The following DLGAP2 variants were observed in gnomAD, a reference collection of about 807,000 sequenced individuals.
DLGAP2 encodes DLG associated protein 2.
A neutral mutation model predicts 100.3 loss-of-function variants in DLGAP2; 26 were observed. The ratio of observed to expected loss-of-function variants is 0.26; its 90% confidence interval spans 0.19 to 0.36. DLGAP2 has a LOEUF of 0.36. Ranked by LOEUF, DLGAP2 falls within the 10% of genes least tolerant of loss-of-function variation. DLGAP2 has a pLI of 1.00. For synonymous variants in DLGAP2, 886 were observed against 630.1 expected (o/e 1.41, Z -6.08); for missense variants, 1,858 against 1,453.2 (o/e 1.28, Z -4.53).
At chr8:1,633,341 G>A (rs1797696850) in intron 8 of DLGAP2, among the ~76,000 whole-genome samples, 1 of 152,174 alleles carries the variant, frequency 6.6e-6, no homozygotes, top group Non-Finnish European at 1.5e-5. Context: ...GCTAGCATTT[G>A]GAAGGTGATT....
intron 2 of DLGAP2, among the ~76,000 whole-genome samples, chr8:1,123,389 C>A (rs1796093903): frequency 6.6e-6 from 1 of 152,148 alleles, no homozygotes; most frequent in South Asian, 2.1e-4. Context: ...TAGGTACAGC[C>A]TCCACCCGGT....
intron 3 of DLGAP2, among the ~76,000 whole-genome samples, chr8:1,351,924 C>A (rs113972192): frequency 1.7e-3 from 39 of 22,526 alleles, no homozygotes; most frequent in East Asian, 6.9e-3. Flanking sequence ...AGGCCGTGCG[C>A]GTCCTGACTG....
At chr8:1,484,119 G>A (rs1224366843) in intron 3 of DLGAP2, among the ~76,000 whole-genome samples, 2 of 152,218 alleles carry the variant, frequency 1.3e-5, no homozygotes, top group African/African-American at 4.8e-5. Context: ...GGGCTGAGGA[G>A]CTGGTGAGGT....
rs575709822 is a variant in DLGAP2, at chr8:1,195,418, G to A, written c.74-63433G>A. Among the ~76,000 whole-genome samples, 60 of 152,326 alleles carry A rather than the reference G, an allele frequency of 3.9e-4. 1 individual carries two copies. In the South Asian group the frequency reaches 0.012, roughly 31 times the overall value. ...ATGTGTTATTAATGAAAAACATGGTGAAGTGTTTTTAAATGGGAAACAGGC... is the reference window on the plus strand; with the variant it reads ...ATGTGTTATTAATGAAAAACATGGTAAAGTGTTTTTAAATGGGAAACAGGC... On this transcript the variant is annotated intron_variant, in intron 2 of 14. Coordinates refer to ENST00000637795, the MANE Select transcript of DLGAP2 (RefSeq NM_001346810.2).
At chr8:907,459 C>A (rs17740061) in intron 1 of DLGAP2, among the ~76,000 whole-genome samples, 30,961 of 152,184 alleles carry the variant, frequency 0.2, 4,040 homozygotes, top group Non-Finnish European at 0.28. Flanking sequence ...CTTACTTTCA[C>A]ATTTTTCTTT....
chr8:762,080 C>T (rs184122058), intron 1 of DLGAP2, among the ~76,000 whole-genome samples: 1 of 152,166 alleles, frequency 6.6e-6, no homozygotes, highest in Non-Finnish European at 1.5e-5. Context: ...AAAGGCTGTG[C>T]TATGTAACTG....
intron 2 of DLGAP2, among the ~76,000 whole-genome samples, chr8:1,039,493 G>C (rs1189988476): frequency 7.1e-6 from 1 of 141,824 alleles, no homozygotes; most frequent in African/African-American, 2.7e-5. Flanking sequence ...TGGTCGGCTC[G>C]GTGTGCATGG....
At chr8:1,589,912 G>C (rs1796240387) in intron 6 of DLGAP2, among the ~76,000 whole-genome samples, 2 of 152,070 alleles carry the variant, frequency 1.3e-5, no homozygotes, top group African/African-American at 4.8e-5. Flanking sequence ...CTAGTTTCTG[G>C]GGCTGCCATA....
At chr8:1,494,044 G>C (rs75511630) in intron 3 of DLGAP2, among the ~76,000 whole-genome samples, 8 of 28,230 alleles carry the variant, frequency 2.8e-4, no homozygotes, top group Admixed American at 1.2e-3. Flanking sequence ...TTCTGCATCG[G>C]GGGGGGCAGT....
intron 1 of DLGAP2, among the ~76,000 whole-genome samples, chr8:819,648 T>C (rs1796548829): frequency 6.6e-6 from 1 of 152,248 alleles, no homozygotes; most frequent in Non-Finnish European, 1.5e-5. Flanking sequence ...TTATTAACTG[T>C]ACTGTGCATG....
chr8:1,535,395 G>A (rs1323798392), intron 4 of DLGAP2, among the ~76,000 whole-genome samples: 1 of 152,200 alleles, frequency 6.6e-6, no homozygotes, highest in Non-Finnish European at 1.5e-5. Context: ...CATGAAATGC[G>A]CTTGCCTGGC....
At chr8:845,569 C>T (rs994635260) in intron 1 of DLGAP2, among the ~76,000 whole-genome samples, 12 of 152,206 alleles carry the variant, frequency 7.9e-5, no homozygotes, top group South Asian at 4.1e-4. Flanking sequence ...CCTTATCAGA[C>T]GTATGACCTG....
At chr8:1,418,322 C>G (rs547265426) in intron 3 of DLGAP2, among the ~76,000 whole-genome samples, 1 of 152,264 alleles carries the variant, frequency 6.6e-6, no homozygotes, top group Non-Finnish European at 1.5e-5. Context: ...TAGATGGCCT[C>G]AAACATGAAA....
At chr8:963,524 C>CT (rs1232027965) in intron 2 of DLGAP2, among the ~76,000 whole-genome samples, 1 of 152,026 alleles carries the variant, frequency 6.6e-6, no homozygotes, top group African/African-American at 2.4e-5. Flanking sequence ...ATATGGATGA[C>CT]TATTAAAGTA....
At chr8:962,610 C>T (rs796242288) in intron 2 of DLGAP2, among the ~76,000 whole-genome samples, 23 of 152,256 alleles carry the variant, frequency 1.5e-4, no homozygotes, top group African/African-American at 5.1e-4. Context: ...CCCCGCCCTC[C>T]GAGAGGGGAG....
intron 8 of DLGAP2, among the ~76,000 whole-genome samples, chr8:1,638,068 A>T (rs1184178761): frequency 6.6e-6 from 1 of 152,148 alleles, no homozygotes; most frequent in African/African-American, 2.4e-5. Context: ...GGCAGGACGG[A>T]TGGGGGACAT....
At chr8:1,311,493 C>T (rs969431443) in intron 3 of DLGAP2, among the ~76,000 whole-genome samples, 4 of 152,150 alleles carry the variant, frequency 2.6e-5, no homozygotes, top group African/African-American at 7.2e-5. Context: ...AATCACAAAC[C>T]ATATCCCTTA....
chr8:1,026,360 G>C (rs1801799916), intron 2 of DLGAP2, among the ~76,000 whole-genome samples: 1 of 152,158 alleles, frequency 6.6e-6, no homozygotes, highest in African/African-American at 2.4e-5. Context: ...TCACATGGAA[G>C]CTCCACTTCA....
chr8:1,345,396 T>G (rs1483478670), intron 3 of DLGAP2, among the ~76,000 whole-genome samples: 1 of 152,216 alleles, frequency 6.6e-6, no homozygotes, highest in Non-Finnish European at 1.5e-5. Flanking sequence ...GCATGTAGTT[T>G]CCCCCATTTT....
Sources: allele counts gnomAD v4.1 joint callset (sites outside exome capture counted in the v4.1 genomes callset), GRCh38; gene constraint gnomAD v4.1.1; transcripts MANE v1.5; gene names NCBI Gene and HGNC (gene_info 2026-07-23, HGNC 2026-07-21).